The following GSTA5 variants were observed in gnomAD, a reference collection of about 807,000 sequenced individuals.
GSTA5 encodes glutathione S-transferase alpha 5.
Under a neutral mutation model 21.8 loss-of-function variants are expected in GSTA5, and 25 were observed. The ratio of observed to expected loss-of-function variants is 1.14; its 90% CI spans 0.83 to 1.60. The LOEUF (loss-of-function observed/expected upper bound fraction) is 1.60. GSTA5 is among the 40% of genes most tolerant of loss of function. GSTA5 has a pLI of 0.00. For synonymous variants in GSTA5, 102 were observed against 89.5 expected (o/e 1.14, Z -0.78); for missense variants, 330 against 259.2 (o/e 1.27, Z -1.88).
intron 1 of GSTA5, among the ~76,000 whole-genome samples, chr6:52,838,974 A>G (rs1185976453): frequency 6.6e-6 from 1 of 152,192 alleles, no homozygotes; most frequent in Non-Finnish European, 1.5e-5. Flanking sequence ...GGAGTTCTTT[A>G]TGGTGAAAGA....
chr6:52,834,357 A>G (rs1764263985), intron 3 of GSTA5, 75 bp from the exon 4 acceptor site: 7 of 1,457,628 alleles, frequency 4.8e-6, no homozygotes, highest in South Asian at 2.7e-5. Flanking sequence ...ACCTAAGAAA[A>G]TAGAGGGTCA....
chr6:52,840,878 T>G, upstream of GSTA5: 2 of 1,431,016 alleles, frequency 1.4e-6, no homozygotes, highest in Non-Finnish European at 1.9e-6. Context: ...AACGATAGAA[T>G]CAAAAATGTA....
At chr6:52,845,008 T>C (rs1231207611), upstream of GSTA5, among the ~76,000 whole-genome samples, 2 of 152,214 alleles carry the variant, frequency 1.3e-5, no homozygotes, top group Non-Finnish European at 2.9e-5. Context: ...CTTCATCATC[T>C]ATTATCTATC....
At chr6:52,842,404 T>TTC (rs1200221942), upstream of GSTA5, among the ~76,000 whole-genome samples, 1 of 57,206 alleles carries the variant, frequency 1.7e-5, no homozygotes, top group Non-Finnish European at 3.6e-5. Context: ...ACTAATGTAT[T>TTC]TCTTTTTTTT....
At chr6:52,832,762 A>G (rs1764234362) in intron 5 of GSTA5, 97 bp downstream of exon 5, 1 of 1,574,284 alleles carries the variant, frequency 6.4e-7, no homozygotes, top group Admixed American at 1.7e-5. Context: ...AGGGCTGGAG[A>G]AGGGTGGGGT....
chr6:52,840,665 G>T, intron 1 of GSTA5, 62 bp downstream of exon 1: 1 of 1,417,522 alleles, frequency 7.1e-7, no homozygotes, highest in Non-Finnish European at 1.0e-6. Context: ...TAGTTTCTGT[G>T]GGAAAAGTAT....
upstream of GSTA5, among the ~76,000 whole-genome samples, chr6:52,842,704 G>A (rs1219504588): frequency 3.3e-5 from 5 of 152,120 alleles, no homozygotes; most frequent in East Asian, 7.7e-4. Context: ...TGCACCCGCC[G>A]TCAACTAATG....
intron 5 of GSTA5, 104 bp downstream of exon 5, chr6:52,832,755 G>T (rs932528362): frequency 2.6e-6 from 4 of 1,558,380 alleles, no homozygotes; most frequent in African/African-American, 2.7e-5. Flanking sequence ...GCACTGAAGG[G>T]CTGGAGAAGG....
chr6:52,832,606 C>T (rs7739421), intron 5 of GSTA5, among the ~76,000 whole-genome samples: 25,639 of 152,154 alleles, frequency 0.17, 4,436 homozygotes, highest in African/African-American at 0.44. Context: ...GGAAGAGCTG[C>T]TGGGCACTGG....
At chr6:52,840,791 T>A in exon 1 of GSTA5, 6 of 1,614,058 alleles carry the variant, frequency 3.7e-6, no homozygotes, top group Non-Finnish European at 5.1e-6. Flanking sequence ...ATTGGAGTAG[T>A]GGAGCTTGGG....
At chr6:52,837,855 A>T (rs370347671) in intron 1 of GSTA5, among the ~76,000 whole-genome samples, 156 of 152,336 alleles carry the variant, frequency 1.0e-3, no homozygotes, top group African/African-American at 3.7e-3. Context: ...ATGAATGTCT[A>T]TGATTAGGTC....
chr6:52,845,392 G>A (rs563097322), upstream of GSTA5, among the ~76,000 whole-genome samples: 7 of 152,292 alleles, frequency 4.6e-5, no homozygotes, highest in Non-Finnish European at 7.4e-5. Context: ...AAATCAGATA[G>A]GTAAAGGGCA....
intron 3 of GSTA5, among the ~76,000 whole-genome samples, chr6:52,835,404 C>A (rs1764276978): frequency 6.6e-6 from 1 of 152,222 alleles, no homozygotes; most frequent in East Asian, 1.9e-4. Flanking sequence ...ATTTTTTCTC[C>A]TCCATTTATT....
chr6:52,841,153 CA>C (rs1764373395), upstream of GSTA5, among the ~76,000 whole-genome samples: 4 of 152,330 alleles, frequency 2.6e-5, no homozygotes, highest in South Asian at 8.3e-4. Flanking sequence ...AAAACTTCCT[CA>C]TGATCCTTCC....
chr6:52,833,031 C>G (rs781089027), intron 4 of GSTA5, 41 bp from the exon 5 acceptor site: 1 of 1,611,654 alleles, frequency 6.2e-7, no homozygotes, highest in Non-Finnish European at 8.5e-7. Context: ...ACATGCACAC[C>G]CAGGCTGGGA....
At chr6:52,833,412 T>C (rs9370154) in intron 4 of GSTA5, among the ~76,000 whole-genome samples, 149,879 of 152,216 alleles carry the variant, frequency 0.98, 73,836 homozygotes, top group East Asian at 1. Context: ...TGACAACACT[T>C]TTCCCCTAGA....
At chr6:52,842,904 C>T (rs1764400977), upstream of GSTA5, among the ~76,000 whole-genome samples, 1 of 152,120 alleles carries the variant, frequency 6.6e-6, no homozygotes, top group South Asian at 2.1e-4. Context: ...CTTCCCTAGG[C>T]CCCCACCCCA....
chr6:52,842,777 A>G (rs142305862), upstream of GSTA5, among the ~76,000 whole-genome samples: 751 of 152,278 alleles, frequency 4.9e-3, 3 homozygotes, highest in Middle Eastern at 0.02. Flanking sequence ...TATACTTTAA[A>G]TTCTGGGGTA....
intron 4 of GSTA5, among the ~76,000 whole-genome samples, chr6:52,833,423 AG>A (rs560460389): frequency 2.4e-4 from 37 of 152,284 alleles, no homozygotes; most frequent in Admixed American, 2.0e-3. Context: ...TTCCCCTAGA[AG>A]GAGACTATTT....
Sources: allele counts gnomAD v4.1 joint callset (sites outside exome capture counted in the v4.1 genomes callset), GRCh38; gene constraint gnomAD v4.1.1; transcripts MANE v1.5; gene names NCBI Gene and HGNC (gene_info 2026-07-23, HGNC 2026-07-21).